Variants in SPPL2A observed in about 807,000 individuals in gnomAD.
The protein encoded by SPPL2A is signal peptide peptidase like 2A, also known as signal peptide peptidase-like 2A.
A neutral mutation model predicts 63.8 loss-of-function variants in SPPL2A; 51 were observed. The ratio of observed to expected loss-of-function variants is 0.80; its 90% CI spans 0.64 to 1.01. The LOEUF (loss-of-function observed/expected upper bound fraction) is 1.01, where lower values mean the gene tolerates loss of function less well. SPPL2A is among the 50% of genes least tolerant of loss of function. SPPL2A has a pLI of 0.00. For synonymous variants in SPPL2A, 188 were observed against 205.8 expected, an observed-to-expected ratio of 0.91 and a Z score of 0.74; for missense variants, 553 against 622.7, an observed-to-expected ratio of 0.89 and a Z score of 1.19.
intron 14 of SPPL2A, among the ~76,000 whole-genome samples, chr15:50,710,945 AT>A (rs2062551250): frequency 6.6e-6 from 1 of 152,182 alleles, no homozygotes; most frequent in Non-Finnish European, 1.5e-5. Flanking sequence ...GAAGCAAAAA[AT>A]ATCCCCTAAA....
chr15:50,749,596 C>G, intron 2 of SPPL2A, 40 bp downstream of exon 2: 1 of 1,333,324 alleles, frequency 7.5e-7, no homozygotes, highest in Non-Finnish European at 1.1e-6. Context: ...TCCTTCTTCA[C>G]TATTTTTATG....
chr15:50,746,436 CAAAAAAAAA>C (rs71127139), intron 5 of SPPL2A, among the ~76,000 whole-genome samples: 20,756 of 87,524 alleles, frequency 0.24, 2,123 homozygotes, highest in East Asian at 0.56. Flanking sequence ...GACTCTGTAT[CAAAAAAAAA>C]AAAAAAAAAA....
At chr15:50,756,534 C>A (rs1291210105) in intron 1 of SPPL2A, among the ~76,000 whole-genome samples, 2 of 151,888 alleles carry the variant, frequency 1.3e-5, no homozygotes, top group Non-Finnish European at 2.9e-5. Flanking sequence ...GTGGTCTGGT[C>A]TTCTATGGCT....
rs1202889303 is a variant in SPPL2A, at chr15:50,706,641, G to C, written c.*1159C>G. The C allele has an allele frequency of 1.3e-5, 2 of 151,940 alleles. No homozygotes were observed. Among genetic ancestry groups the C allele is most frequent in the Non-Finnish European group, 2.9e-5 (2 of 68,014 alleles). 9.4% of individuals were successfully genotyped at this position (151,940 alleles called of 1,614,324 possible). ...TGGGAGTGGGGGAATGTGGGATAAT[G>C]TTAGGAATGCTGTATTCAACGATGA... is the stretch of plus-strand genomic sequence containing the variant. On this transcript the variant is annotated 3_prime_UTR_variant, in exon 15 of 15. Coordinates refer to ENST00000261854, the MANE Select transcript of SPPL2A (RefSeq NM_032802.4).
At chr15:50,740,716 T>C (rs935531180) in intron 5 of SPPL2A, among the ~76,000 whole-genome samples, 1 of 151,870 alleles carries the variant, frequency 6.6e-6, no homozygotes, top group African/African-American at 2.4e-5. Context: ...GTTCAAGCAA[T>C]TCTCCTGCCT....
At chr15:50,764,960 A>G (rs948797202) in intron 1 of SPPL2A, among the ~76,000 whole-genome samples, 7 of 152,010 alleles carry the variant, frequency 4.6e-5, no homozygotes, top group Admixed American at 4.6e-4. Context: ...CCTAAGGCGA[A>G]GCAGGAGCTA....
Position 50,706,053 on chromosome 15 carries a change from A to G in SPPL2A, c.*1747T>C, listed in dbSNP as rs1261716247. On this transcript the variant is annotated 3_prime_UTR_variant, in exon 15 of 15. Coordinates refer to ENST00000261854, the MANE Select transcript of SPPL2A (RefSeq NM_032802.4). ...AAAAACTTTTTTCAAGTTGGAAGGT[A>G]CCAGAGTGATTAGCTGGTCTAACCT... The G allele has an allele frequency of 6.6e-6, 1 of 152,204 alleles. No individual in the cohort carries two copies. The highest frequency in any genetic ancestry group is 1.5e-5 in the Non-Finnish European group (1 of 68,032). 9.4% of individuals were successfully genotyped at this position (152,204 alleles called of 1,614,324 possible).
chr15:50,712,216 C>T (rs980005222), intron 14 of SPPL2A, among the ~76,000 whole-genome samples: 2 of 152,186 alleles, frequency 1.3e-5, no homozygotes, highest in South Asian at 4.1e-4. Context: ...CACTGCAGGG[C>T]AGATGTTAGT....
At chr15:50,741,574 C>G (rs2062820603) in intron 5 of SPPL2A, among the ~76,000 whole-genome samples, 1 of 151,362 alleles carries the variant, frequency 6.6e-6, no homozygotes, top group African/African-American at 2.4e-5. Context: ...TACATATGAG[C>G]CATAATAATT....
rs1246611663 is a variant in SPPL2A at position 50,714,408 on chromosome 15, GATC to G, written c.1488+5529_1488+5531del. Among the ~76,000 whole-genome samples the G allele has an allele frequency of 3.9e-5, 6 of 152,218 alleles. No homozygotes were observed. In the East Asian group the frequency reaches 1.2e-3, roughly 29 times the overall value. ...GCACTTTGGGAGGCCGAGGTTGGTGGATCATCGAGGGTCAGGAGTTTGAGACTA... is the reference window on the plus strand; with the variant it reads ...GCACTTTGGGAGGCCGAGGTTGGTGGATCGAGGGTCAGGAGTTTGAGACTA... On this transcript the variant is annotated intron_variant, in intron 14 of 14. Transcript: ENST00000261854.
chr15:50,757,484 A>C (rs1212528026), intron 1 of SPPL2A, among the ~76,000 whole-genome samples: 1 of 152,016 alleles, frequency 6.6e-6, no homozygotes, highest in African/African-American at 2.4e-5. Context: ...GCTCACCCCC[A>C]ATCTTCCTTT....
chr15:50,734,894 T>C (rs1430831034), intron 8 of SPPL2A, among the ~76,000 whole-genome samples: 1 of 152,084 alleles, frequency 6.6e-6, no homozygotes, highest in African/African-American at 2.4e-5. Context: ...GAGTATATTC[T>C]CTCTCTCTCT....
chr15:50,712,376 A>T (rs1303356432), intron 14 of SPPL2A, among the ~76,000 whole-genome samples: 1 of 152,160 alleles, frequency 6.6e-6, no homozygotes, highest in Non-Finnish European at 1.5e-5. Context: ...TGGAAATAGA[A>T]ACTGACAAAG....
intron 2 of SPPL2A, among the ~76,000 whole-genome samples, chr15:50,749,384 T>G (rs1388215453): frequency 6.6e-6 from 1 of 152,058 alleles, no homozygotes; most frequent in Non-Finnish European, 1.5e-5. Flanking sequence ...GCCTCCTGGG[T>G]TCACACAATT....
chr15:50,719,961 G>A lies in SPPL2A; in HGVS notation c.1467C>T (p.Phe489=), dbSNP rs1318604423. 1 of 1,613,122 alleles carries A rather than the reference G, an allele frequency of 6.2e-7. No homozygotes were observed. Among genetic ancestry groups the A allele is most frequent in the South Asian group, 1.1e-5 (1 of 90,932 alleles). ...VAWRRKEMKK[F]WKGNSYQMMD... is the part of the protein sequence containing the mutation. The stretch of plus-strand genomic sequence containing the variant: ...ATACCTGATAGCTGTTACCTTTCCA[G>A]AACTTTTTCATTTCCTTACGTCTCC... Residue 489 remains phenylalanine (F), a synonymous_variant, in exon 14 of 15, where the codon TTC becomes TTT. Transcript: ENST00000261854.
chr15:50,756,511 T>C (rs1049035823), intron 1 of SPPL2A, among the ~76,000 whole-genome samples: 2 of 152,178 alleles, frequency 1.3e-5, no homozygotes, highest in Non-Finnish European at 1.5e-5. Flanking sequence ...TGAATTTTCC[T>C]TTGTAATAAA....
intron 1 of SPPL2A, among the ~76,000 whole-genome samples, chr15:50,753,289 T>C (rs933709447): frequency 6.6e-6 from 1 of 152,164 alleles, no homozygotes; most frequent in African/African-American, 2.4e-5. Context: ...GAGAGATACA[T>C]AAAGAGGCTA....
Position 50,741,817 on chromosome 15 carries a change from T to G in SPPL2A, c.585-1989A>C, listed in dbSNP as rs112756569. ...TCCATCTCTACTAAAAATACAAAAA[T>G]TAGCCAGGCATGGTGGCACGTGCCT... is the stretch of plus-strand genomic sequence containing the variant. On this transcript the variant is annotated intron_variant, in intron 5 of 14. Coordinates refer to ENST00000261854, the MANE Select transcript of SPPL2A (RefSeq NM_032802.4). Among the ~76,000 whole-genome samples, 246 of 151,824 alleles carry G rather than the reference T, an allele frequency of 1.6e-3. 1 individual carries two copies. The highest frequency in any genetic ancestry group is 5.5e-3 in the African/African-American group (229 of 41,394).
rs546202054 is a variant in SPPL2A at position 50,721,493 on chromosome 15, C to T, written c.1327+631G>A. 4.6e-5 allele frequency among the ~76,000 whole-genome samples: 7 copies of T among 151,350 alleles called. 1 individual carries two copies. In the South Asian group the frequency reaches 1.0e-3, roughly 23 times the overall value. On this transcript the variant is annotated intron_variant, in intron 13 of 14. Coordinates refer to ENST00000261854, the MANE Select transcript of SPPL2A (RefSeq NM_032802.4). Reference sequence around the variant, plus strand: ...TCGCCCAGGCTATAGTGAAGTGGTACGATCATGACTTACTGCAGCCTTGAC... The same window carrying T: ...TCGCCCAGGCTATAGTGAAGTGGTATGATCATGACTTACTGCAGCCTTGAC...
Sources: allele counts gnomAD v4.1 joint callset (sites outside exome capture counted in the v4.1 genomes callset), GRCh38; gene constraint gnomAD v4.1.1; transcripts MANE v1.5; gene names NCBI Gene and HGNC (gene_info 2026-07-23, HGNC 2026-07-21).